PSD3: variants seen among roughly 807,000 people sequenced by gnomAD.
PSD3 encodes the protein pleckstrin and Sec7 domain containing 3.
A neutral mutation model predicts 105.5 loss-of-function variants in PSD3; 49 were observed. The ratio of observed to expected loss-of-function variants is 0.46; its 90% CI spans 0.37 to 0.59. The LOEUF (loss-of-function observed/expected upper bound fraction) is 0.59. PSD3 is among the 20% of genes least tolerant of loss of function. The pLI, the probability that PSD3 is intolerant of heterozygous loss-of-function variation, is 0.00. For synonymous variants in PSD3, 557 were observed against 457.8 expected (o/e 1.22, Z -2.77); for missense variants, 1,561 against 1,263.8 (o/e 1.24, Z -3.57).
intron 1 of PSD3, among the ~76,000 whole-genome samples, chr8:19,026,437 C>T (rs1316003484): frequency 6.6e-6 from 1 of 152,020 alleles, no homozygotes; most frequent in Admixed American, 6.5e-5. Flanking sequence ...TCTCAGTGTT[C>T]TGAATTGTGA....
At chr8:19,060,437 T>A (rs1018745596) in intron 1 of PSD3, among the ~76,000 whole-genome samples, 1 of 152,224 alleles carries the variant, frequency 6.6e-6, no homozygotes, top group East Asian at 1.9e-4. Flanking sequence ...TATTAATGTC[T>A]CAGTCTGGGC....
rs145622837 is a variant in PSD3, at chr8:18,806,237, A to T, written c.1635-1339T>A. On this transcript the variant is annotated intron_variant, in intron 4 of 15. Transcript: ENST00000327040. ...TGCCGCTGCCTTAAGTTCTACTAAGACCTCCACTATTGTTTTTGCACCATA... is the reference window on the plus strand; with the variant it reads ...TGCCGCTGCCTTAAGTTCTACTAAGTCCTCCACTATTGTTTTTGCACCATA... Among the ~76,000 whole-genome samples the T allele has an allele frequency of 8.9e-3, 1,362 of 152,318 alleles. 19 individuals carry two copies. Among genetic ancestry groups the T allele is most frequent in the African/African-American group, 0.031 (1,296 of 41,572 alleles).
chr8:18,790,581 C>A (rs191986639), intron 8 of PSD3, among the ~76,000 whole-genome samples: 1 of 152,156 alleles, frequency 6.6e-6, no homozygotes, highest in Non-Finnish European at 1.5e-5. Flanking sequence ...GGATTACAGG[C>A]GTGAGCCACT....
intron 11 of PSD3, among the ~76,000 whole-genome samples, chr8:18,608,353 G>A (rs1234323972): frequency 6.6e-6 from 1 of 152,180 alleles, no homozygotes; most frequent in Non-Finnish European, 1.5e-5. Context: ...ATCAGCTCTG[G>A]CTTGGGGGCT....
At chr8:19,080,543 C>A (rs1829610610) in intron 1 of PSD3, among the ~76,000 whole-genome samples, 1 of 152,226 alleles carries the variant, frequency 6.6e-6, no homozygotes, top group Non-Finnish European at 1.5e-5. Flanking sequence ...AAATAGACCT[C>A]CATTGCATTT....
At chr8:19,069,936 G>A (rs1452333238) in intron 1 of PSD3, among the ~76,000 whole-genome samples, 1 of 136,496 alleles carries the variant, frequency 7.3e-6, no homozygotes. Flanking sequence ...ATCTCAAAAA[G>A]CTTTTCTTTT....
At chr8:18,655,471 C>T (rs1363874693) in intron 10 of PSD3, among the ~76,000 whole-genome samples, 171 bp downstream of exon 10, 3 of 152,024 alleles carry the variant, frequency 2.0e-5, no homozygotes, top group Non-Finnish European at 4.4e-5. Context: ...ATAGGTTTTA[C>T]TTGTATCTGG....
intron 2 of PSD3, among the ~76,000 whole-genome samples, chr8:18,873,258 T>C (rs1353056734): frequency 6.6e-6 from 1 of 152,180 alleles, no homozygotes; most frequent in African/African-American, 2.4e-5. Flanking sequence ...CCTTCATTGT[T>C]GGGTTTCTGT....
intron 4 of PSD3, among the ~76,000 whole-genome samples, chr8:18,856,632 T>G (rs561534772): frequency 6.6e-6 from 1 of 152,218 alleles, no homozygotes; most frequent in African/African-American, 2.4e-5. Flanking sequence ...GACAAGAAAA[T>G]GTCACCTTGT....
At chr8:18,624,814 T>C (rs1005966802) in intron 11 of PSD3, among the ~76,000 whole-genome samples, 12 of 152,108 alleles carry the variant, frequency 7.9e-5, no homozygotes, top group Middle Eastern at 3.2e-3. Flanking sequence ...CATTTTTAAG[T>C]ACAATTTTAA....
intron 13 of PSD3, among the ~76,000 whole-genome samples, chr8:18,572,961 T>C (rs1203136518): frequency 6.6e-6 from 1 of 152,202 alleles, no homozygotes; most frequent in Non-Finnish European, 1.5e-5. Context: ...TTCTGTTTGA[T>C]ACGAGGCTAG....
At chr8:18,748,553 A>G (rs902801031) in intron 9 of PSD3, among the ~76,000 whole-genome samples, 2 of 151,026 alleles carry the variant, frequency 1.3e-5, no homozygotes, top group African/African-American at 4.9e-5. Flanking sequence ...CCAGCTACTC[A>G]GGAGGCTGAG....
intron 1 of PSD3, among the ~76,000 whole-genome samples, chr8:18,976,453 T>C (rs1340518285): frequency 2.0e-5 from 3 of 152,200 alleles, no homozygotes; most frequent in African/African-American, 7.2e-5. Context: ...TGGACATTAC[T>C]AATGTTTACC....
intron 9 of PSD3, among the ~76,000 whole-genome samples, chr8:18,708,139 A>C (rs550576884): frequency 6.6e-6 from 1 of 152,356 alleles, no homozygotes; most frequent in South Asian, 2.1e-4. Context: ...AATCCTGACT[A>C]ATTTACAGTT....
intron 8 of PSD3, among the ~76,000 whole-genome samples, chr8:18,783,525 G>C: frequency 6.6e-6 from 1 of 152,086 alleles, no homozygotes; most frequent in East Asian, 1.9e-4. Context: ...CATTAGGTTA[G>C]ACTGTAAATT....
Position 19,056,423 on chromosome 8 carries a change from A to G in PSD3, c.324+27783T>C, listed in dbSNP as rs188836554. Among the ~76,000 whole-genome samples the G allele has an allele frequency of 1.5e-3, 225 of 152,360 alleles. 1 individual carries two copies. The highest frequency in any genetic ancestry group is 5.0e-3 in the African/African-American group (209 of 41,592). ...GAGTTTTGACACGTTGTACAATTATAAAGAAAAAAGAAGGCTCCTGATGGA... is the reference window on the plus strand; with the variant it reads ...GAGTTTTGACACGTTGTACAATTATGAAGAAAAAAGAAGGCTCCTGATGGA... On this transcript the variant is annotated intron_variant, in intron 1 of 1. Coordinates refer to the PSD3 transcript ENST00000521475.
chr8:18,897,231 T>C (rs1261221298), intron 2 of PSD3, among the ~76,000 whole-genome samples: 1 of 152,232 alleles, frequency 6.6e-6, no homozygotes, highest in Non-Finnish European at 1.5e-5. Flanking sequence ...CTATATGTCT[T>C]CTTTTGAGAC....
intron 8 of PSD3, among the ~76,000 whole-genome samples, chr8:18,776,258 C>CTA (rs1373772513): frequency 3.3e-4 from 46 of 141,112 alleles, no homozygotes; most frequent in African/African-American, 6.6e-4. Flanking sequence ...CTCTCTCTCT[C>CTA]TCTATATATA....
chr8:18,749,091 G>A (rs768357146), intron 9 of PSD3, among the ~76,000 whole-genome samples: 4 of 152,314 alleles, frequency 2.6e-5, no homozygotes, highest in African/African-American at 4.8e-5. Flanking sequence ...TGCATGCTAC[G>A]TGTTGATTAT....
Sources: allele counts gnomAD v4.1 joint callset (sites outside exome capture counted in the v4.1 genomes callset), GRCh38; gene constraint gnomAD v4.1.1; transcripts MANE v1.5; gene names NCBI Gene and HGNC (gene_info 2026-07-23, HGNC 2026-07-21).